Variants in LPP observed in about 807,000 individuals in gnomAD.
LPP encodes the protein LIM domain containing preferred translocation partner in lipoma, also known as lipoma-preferred partner.
LPP carries 38 observed loss-of-function variants against 60.4 expected under a neutral mutation model. The ratio of observed to expected loss-of-function variants is 0.63; its 90% CI spans 0.49 to 0.83. The LOEUF (loss-of-function observed/expected upper bound fraction) is 0.83. LPP is among the 40% of genes least tolerant of loss of function. The pLI is 0.00. For synonymous variants in LPP, 328 were observed against 290.8 expected (o/e 1.13, Z -1.30); for missense variants, 902 against 783.6 (o/e 1.15, Z -1.80).
rs961494338 is a variant in LPP at position 188,428,694 on chromosome 3, A to G, written c.193+22381A>G. Among the ~76,000 whole-genome samples the G allele has an allele frequency of 3.3e-5, 5 of 151,630 alleles. 1 individual carries two copies. The highest frequency in any genetic ancestry group is 1.2e-4 in the African/African-American group (5 of 41,362). On this transcript the variant is annotated intron_variant, in intron 4 of 11. Coordinates refer to ENST00000617246, the MANE Select transcript of LPP (RefSeq NM_001375462.1). ...TATAATCACTGTCAAGGTGTTTTTC[A>G]GGCTTATATTGAGTATTTCTAGTGC...
At chr3:188,238,548 G>T (rs1342439607) in intron 2 of LPP, among the ~76,000 whole-genome samples, 1 of 152,066 alleles carries the variant, frequency 6.6e-6, no homozygotes, top group Non-Finnish European at 1.5e-5. Context: ...CCATTGTAGG[G>T]TTATTAATTG....
chr3:188,744,341 T>C (rs1312999453), intron 8 of LPP, among the ~76,000 whole-genome samples: 2 of 152,174 alleles, frequency 1.3e-5, no homozygotes, highest in Non-Finnish European at 2.9e-5. Flanking sequence ...TTCTTACCTT[T>C]CATTTTCTCC....
At chr3:188,355,300 C>T (rs1767275197) in intron 3 of LPP, among the ~76,000 whole-genome samples, 1 of 152,168 alleles carries the variant, frequency 6.6e-6, no homozygotes, top group South Asian at 2.1e-4. Flanking sequence ...AGCCACCGCG[C>T]CTGGCTAGAA....
intron 2 of LPP, among the ~76,000 whole-genome samples, chr3:188,336,561 C>G (rs778108627): frequency 5.9e-5 from 9 of 152,176 alleles, no homozygotes; most frequent in African/African-American, 1.9e-4. Flanking sequence ...TGGGACTCAG[C>G]AGTACCTTAG....
At chr3:188,859,911 A>T (rs2151937141) in intron 9 of LPP, among the ~76,000 whole-genome samples, 1 of 152,248 alleles carries the variant, frequency 6.6e-6, no homozygotes, top group Non-Finnish European at 1.5e-5. Flanking sequence ...TCATCTGTAA[A>T]AGAGGAATTT....
chr3:188,557,402 G>T (rs978032705), intron 6 of LPP, among the ~76,000 whole-genome samples: 1 of 152,048 alleles, frequency 6.6e-6, no homozygotes, highest in Non-Finnish European at 1.5e-5. Flanking sequence ...GCAATGAGTG[G>T]TATATTTTAG....
rs138775684 is a variant in LPP, at chr3:188,183,800, G to C, written c.-190+29548G>C. On this transcript the variant is annotated intron_variant, in intron 1 of 11. Coordinates refer to ENST00000617246, the MANE Select transcript of LPP (RefSeq NM_001375462.1). ...TGGCCTCCCATAAGTGGCAAGCTGG[G>C]ATGTGAACCCAGTTCTGCTTGATTT... Among the ~76,000 whole-genome samples, 296 of 152,240 alleles carry C rather than the reference G, an allele frequency of 1.9e-3. 1 individual carries two copies. The highest frequency in any genetic ancestry group is 6.3e-3 in the African/African-American group (262 of 41,540).
In LPP at chr3:188,609,367, G is replaced by C; in HGVS notation, c.636G>C (p.Thr212=). 2 of 1,613,998 alleles carry C rather than the reference G, an allele frequency of 1.2e-6. No individual in the cohort carries two copies. The highest frequency in any genetic ancestry group is 1.7e-6 in the Non-Finnish European group (2 of 1,179,996). The change falls in exon 7 of 12, where the codon ACG becomes ACC. Residue 212 remains threonine (T), a synonymous_variant. Coordinates refer to ENST00000617246, the MANE Select transcript of LPP (RefSeq NM_001375462.1). This position sits in a 1 kb window ranked among gnomAD's most constrained non-coding sequence, Gnocchi z 6.9. ...AGCCAGTCCCAGCCTCCTACACCAC[G>C]GCCTCCACTTCTTCAAGGCCTACCT... ...QPQPVPASYT[T]ASTSSRPTFN...
intron 8 of LPP, among the ~76,000 whole-genome samples, chr3:188,723,366 AT>A (rs1331925081): frequency 6.6e-6 from 1 of 152,192 alleles, no homozygotes; most frequent in Non-Finnish European, 1.5e-5. Context: ...GTCTGCTAAA[AT>A]TGTCTCGTTC....
chr3:188,302,201 G>A (rs950430784), intron 2 of LPP, among the ~76,000 whole-genome samples: 1 of 152,096 alleles, frequency 6.6e-6, no homozygotes, highest in African/African-American at 2.4e-5. Context: ...TTCCTTCAAT[G>A]TAATTTCTAT....
intron 1 of LPP, among the ~76,000 whole-genome samples, chr3:188,165,344 A>G (rs371952257): frequency 7.9e-4 from 120 of 152,084 alleles, no homozygotes; most frequent in African/African-American, 2.7e-3. Context: ...GGAAACTCAG[A>G]TAAAGAGATT....
chr3:188,530,178 C>A (rs1409229414), intron 6 of LPP, among the ~76,000 whole-genome samples: 2 of 152,058 alleles, frequency 1.3e-5, no homozygotes, highest in Non-Finnish European at 2.9e-5. Flanking sequence ...TTAGCAGTAC[C>A]TAAGTAGCCC....
chr3:188,267,873 G>A (rs768039563), intron 2 of LPP, among the ~76,000 whole-genome samples: 35 of 152,108 alleles, frequency 2.3e-4, no homozygotes, highest in Non-Finnish European at 4.4e-4. Flanking sequence ...CCGGGCTTGC[G>A]TGTCTGGCAA....
rs910449004 is a variant in LPP, at chr3:188,183,172, C to T, written c.-190+28920C>T. On this transcript the variant is annotated intron_variant, in intron 1 of 11. Transcript: ENST00000617246. ...GGTGAAGAGGTTGAACTCTTGTCCT[C>T]GGATCTCTGAGCTTGATTGGGCAGC... is the stretch of plus-strand genomic sequence containing the variant. Among the ~76,000 whole-genome samples the T allele has an allele frequency of 8.5e-5, 13 of 152,312 alleles. No homozygotes were observed. In the South Asian group the frequency reaches 1.0e-3, roughly 12 times the overall value.
chr3:188,816,392 G>A (rs956455406), intron 9 of LPP, among the ~76,000 whole-genome samples: 78 of 151,956 alleles, frequency 5.1e-4, no homozygotes, highest in African/African-American at 1.7e-3. Flanking sequence ...TAGTAGAGAC[G>A]GAGTTTCACC....
At chr3:188,160,708 T>G (rs1299229381) in intron 1 of LPP, among the ~76,000 whole-genome samples, 1 of 152,206 alleles carries the variant, frequency 6.6e-6, no homozygotes, top group Non-Finnish European at 1.5e-5. Flanking sequence ...TCGGTACTTG[T>G]GTACAAAGTG....
chr3:188,786,730 C>T (rs1742055622), intron 9 of LPP, among the ~76,000 whole-genome samples: 1 of 152,142 alleles, frequency 6.6e-6, no homozygotes, highest in South Asian at 2.1e-4. Context: ...CATTCTTACC[C>T]TGGAATACGA....
chr3:188,715,521 G>T (rs755436855), intron 8 of LPP, among the ~76,000 whole-genome samples: 6 of 151,930 alleles, frequency 3.9e-5, no homozygotes, highest in Non-Finnish European at 7.4e-5. Context: ...GGAGAGAAAG[G>T]TATTATTCTC....
At chr3:188,691,390 A>G (rs1419761692) in intron 7 of LPP, among the ~76,000 whole-genome samples, 1 of 152,212 alleles carries the variant, frequency 6.6e-6, no homozygotes, top group African/African-American at 2.4e-5. Context: ...AATGAGGGCA[A>G]TAAAAGTAAC....
Sources: gnomAD v4.1 joint callset for allele counts (sites outside exome capture counted in the v4.1 genomes callset) on GRCh38, gnomAD v4.1.1 for gene constraint, Gnocchi (gnomAD v3.1) non-coding constraint, MANE v1.5 for transcripts, NCBI Gene and HGNC (gene_info 2026-07-23, HGNC 2026-07-21) for gene names.